Variants in PRKAR2B observed in about 807,000 individuals in gnomAD.
The protein encoded by PRKAR2B is cAMP-dependent protein kinase type II-beta regulatory subunit.
In PRKAR2B, 14 loss-of-function variants were observed where a neutral mutation model predicts 49.9. That is an observed-to-expected ratio of 0.28 (90% CI 0.19 to 0.44). PRKAR2B has a LOEUF of 0.44. Among genes scored for constraint, PRKAR2B ranks in the 20% least tolerant of loss-of-function variants. The pLI is 1.00. For synonymous variants in PRKAR2B, 196 were observed against 197.7 expected (o/e 0.99, Z 0.07); for missense variants, 393 against 537.9 (o/e 0.73, Z 2.67).
At chr7:107,097,705 G>T (rs577661443) in intron 2 of PRKAR2B, among the ~76,000 whole-genome samples, 23 of 152,254 alleles carry the variant, frequency 1.5e-4, no homozygotes, top group African/African-American at 3.6e-4. Context: ...GGCAGGCCTG[G>T]TGGTGACAAA....
intron 4 of PRKAR2B, among the ~76,000 whole-genome samples, chr7:107,139,734 A>G (rs1040100795): frequency 6.6e-6 from 1 of 152,212 alleles, no homozygotes; most frequent in Non-Finnish European, 1.5e-5. Flanking sequence ...GTAGATTCAT[A>G]TCTTCATATG....
intron 5 of PRKAR2B, among the ~76,000 whole-genome samples, chr7:107,142,317 G>C (rs1795803876): frequency 6.6e-6 from 1 of 152,148 alleles, no homozygotes; most frequent in African/African-American, 2.4e-5. Context: ...GTGACCTGTG[G>C]CTGAAGCACT....
intron 2 of PRKAR2B, among the ~76,000 whole-genome samples, chr7:107,091,058 A>G (rs897032732): frequency 5.9e-5 from 9 of 152,220 alleles, no homozygotes; most frequent in African/African-American, 2.2e-4. Flanking sequence ...TCAGAACATT[A>G]AGAGCAGCCA....
chr7:107,050,540 CAG>C (rs899154079), intron 1 of PRKAR2B, among the ~76,000 whole-genome samples: 3 of 151,958 alleles, frequency 2.0e-5, no homozygotes, highest in African/African-American at 4.8e-5. Context: ...CAAATACAAA[CAG>C]GGGACCTATG....
At chr7:107,092,212 A>G (rs772484414) in intron 2 of PRKAR2B, among the ~76,000 whole-genome samples, 8 of 150,024 alleles carry the variant, frequency 5.3e-5, no homozygotes, top group Non-Finnish European at 1.0e-4. Context: ...AAGAGTTTGG[A>G]TTTTATTCTG....
intron 2 of PRKAR2B, among the ~76,000 whole-genome samples, chr7:107,083,417 C>T (rs774197275): frequency 4.6e-5 from 7 of 151,654 alleles, no homozygotes; most frequent in Non-Finnish European, 8.8e-5. Flanking sequence ...AATTTATGCA[C>T]GGTCAACTGT....
At chr7:107,155,273 C>A (rs890679061) in intron 8 of PRKAR2B, among the ~76,000 whole-genome samples, 2 of 152,140 alleles carry the variant, frequency 1.3e-5, no homozygotes, top group Non-Finnish European at 2.9e-5. Context: ...TATTTCAAGG[C>A]CAGGCACAGT....
At chr7:107,050,380 G>C (rs1228738432) in intron 1 of PRKAR2B, among the ~76,000 whole-genome samples, 1 of 104,856 alleles carries the variant, frequency 9.5e-6, no homozygotes, top group Non-Finnish European at 1.7e-5. Context: ...CACATAAATT[G>C]ATGTGCTGTG....
At chr7:107,088,934 C>T (rs1015603347) in intron 2 of PRKAR2B, among the ~76,000 whole-genome samples, 10 of 150,894 alleles carry the variant, frequency 6.6e-5, no homozygotes, top group African/African-American at 2.4e-4. Flanking sequence ...TTTGGGAGGC[C>T]GAGGTGGGTG....
At chr7:107,132,872 G>A (rs1795628088) in intron 4 of PRKAR2B, among the ~76,000 whole-genome samples, 2 of 152,052 alleles carry the variant, frequency 1.3e-5, no homozygotes, top group South Asian at 4.1e-4. Flanking sequence ...TTCATATGTT[G>A]AGCACAGCAT....
intron 2 of PRKAR2B, among the ~76,000 whole-genome samples, chr7:107,092,245 TTGTGTG>T (rs34502492): frequency 6.1e-5 from 9 of 148,392 alleles, no homozygotes; most frequent in East Asian, 2.0e-4. Flanking sequence ...AACCATTAAG[TTGTGTG>T]TGTGTGTGTG....
intron 1 of PRKAR2B, among the ~76,000 whole-genome samples, chr7:107,065,473 A>G (rs565447870): frequency 1.3e-5 from 2 of 152,108 alleles, no homozygotes; most frequent in South Asian, 2.1e-4. Context: ...GTGTACTGCT[A>G]TCAACCTTTT....
chr7:107,068,897 A>T (rs755105654), intron 1 of PRKAR2B: 11 of 152,096 alleles, frequency 7.2e-5, no homozygotes, highest in Non-Finnish European at 1.6e-4. Context: ...TTTCTCTGAG[A>T]CTTACTGTAA....
At chr7:107,112,460 A>G (rs993534455) in intron 2 of PRKAR2B, among the ~76,000 whole-genome samples, 1 of 152,110 alleles carries the variant, frequency 6.6e-6, no homozygotes, top group African/African-American at 2.4e-5. Context: ...ATTTCCAACA[A>G]AAAAACACAA....
At chr7:107,104,110 C>T (rs1245042932) in intron 2 of PRKAR2B, among the ~76,000 whole-genome samples, 3 of 152,132 alleles carry the variant, frequency 2.0e-5, no homozygotes, top group African/African-American at 7.2e-5. Context: ...CGGCTTACTG[C>T]AACCTCCGCC....
intron 4 of PRKAR2B, among the ~76,000 whole-genome samples, chr7:107,130,000 G>A (rs1324205772): frequency 6.6e-6 from 1 of 152,122 alleles, no homozygotes; most frequent in Non-Finnish European, 1.5e-5. Flanking sequence ...CTGTGACTTA[G>A]AATGCCTTAA....
In PRKAR2B at chr7:107,058,912, C is replaced by T. The variant is rs542563121; in HGVS notation, c.308-11369C>T. Reference sequence around the variant, plus strand: ...CGTATTTTCAATATAGAGAAAGACACAGATAAATGAGGAACACTCATATAA... The same window carrying T: ...CGTATTTTCAATATAGAGAAAGACATAGATAAATGAGGAACACTCATATAA... On this transcript the variant is annotated intron_variant, in intron 1 of 10. Transcript: ENST00000265717. 1.6e-4 allele frequency among the ~76,000 whole-genome samples: 25 copies of T among 152,176 alleles called. 1 individual carries two copies. The South Asian group carries it at 4.6e-3, about 28-fold the overall frequency.
At chr7:107,141,007 C>T in intron 5 of PRKAR2B, 54 bp downstream of exon 5, 1 of 1,301,176 alleles carries the variant, frequency 7.7e-7, no homozygotes, top group Non-Finnish European at 1.1e-6. Context: ...TGTGTAAAAT[C>T]TCAACCATTA....
intron 2 of PRKAR2B, chr7:107,077,809 G>C (rs1410134809): frequency 6.6e-6 from 1 of 152,218 alleles, no homozygotes; most frequent in East Asian, 1.9e-4. Flanking sequence ...TGTATCCTTA[G>C]TTACCTTTCT....
Sources: allele counts gnomAD v4.1 joint callset (sites outside exome capture counted in the v4.1 genomes callset), GRCh38; gene constraint gnomAD v4.1.1; transcripts MANE v1.5; gene names NCBI Gene and HGNC (gene_info 2026-07-23, HGNC 2026-07-21).